Variants in SDK1 observed in about 807,000 individuals in gnomAD.
SDK1 encodes the protein sidekick cell adhesion molecule 1, also known as protein sidekick-1.
A neutral mutation model predicts 245.5 loss-of-function variants in SDK1; 157 were observed. That is an observed-to-expected ratio of 0.64 (90% CI 0.56 to 0.73). The LOEUF (loss-of-function observed/expected upper bound fraction) is 0.73. SDK1 is among the 30% of genes least tolerant of loss of function. The pLI is 0.00. For missense variants in SDK1, 3,583 were observed against 3,002.3 expected (o/e 1.19, Z -4.52); for synonymous variants, 1,647 against 1,278.5 (o/e 1.29, Z -6.15).
chr7:3,563,999 GAC>G (rs1436530800), intron 1 of SDK1, among the ~76,000 whole-genome samples: 1 of 151,988 alleles, frequency 6.6e-6, no homozygotes, highest in Admixed American at 6.6e-5. Flanking sequence ...AGAACTGAAA[GAC>G]AGTGAAAACA....
At chr7:4,214,371 T>G (rs891846532) in intron 38 of SDK1, among the ~76,000 whole-genome samples, 3 of 152,182 alleles carry the variant, frequency 2.0e-5, no homozygotes, top group East Asian at 1.9e-4. Context: ...TGGAGTCACT[T>G]TAGTCACAAC....
chr7:3,568,766 C>A (rs1001075567), intron 1 of SDK1, among the ~76,000 whole-genome samples: 1 of 152,174 alleles, frequency 6.6e-6, no homozygotes, highest in South Asian at 2.1e-4. Flanking sequence ...GAGCTGATGT[C>A]ATCTTTGGGA....
intron 35 of SDK1, among the ~76,000 whole-genome samples, chr7:4,185,881 G>C (rs1243589507): frequency 6.6e-6 from 1 of 151,276 alleles, no homozygotes; most frequent in East Asian, 2.0e-4. Flanking sequence ...GGGAGGAGGG[G>C]AGGGGAGGGG....
At chr7:3,348,707 T>C (rs1780575465) in intron 1 of SDK1, among the ~76,000 whole-genome samples, 1 of 152,122 alleles carries the variant, frequency 6.6e-6, no homozygotes, top group Admixed American at 6.6e-5. Flanking sequence ...AAAGTTGAAA[T>C]TGTTTTTCAA....
At chr7:4,055,491 G>A (rs2128168515) in intron 19 of SDK1, among the ~76,000 whole-genome samples, 1 of 152,102 alleles carries the variant, frequency 6.6e-6, no homozygotes, top group Admixed American at 6.5e-5. Context: ...CATTCTTCCT[G>A]GAGGTTCTTC....
At chr7:3,683,997 G>A (rs953987648) in intron 4 of SDK1, among the ~76,000 whole-genome samples, 3 of 152,114 alleles carry the variant, frequency 2.0e-5, no homozygotes, top group Admixed American at 6.5e-5. Context: ...TGGTTTCAGC[G>A]GGCAGAATGA....
intron 1 of SDK1, among the ~76,000 whole-genome samples, chr7:3,491,388 G>A (rs1189950104): frequency 1.3e-5 from 2 of 152,208 alleles, no homozygotes; most frequent in Non-Finnish European, 2.9e-5. Flanking sequence ...GTTCCCAAAC[G>A]ATGTCAGTGT....
intron 20 of SDK1, among the ~76,000 whole-genome samples, chr7:4,074,856 T>TACTTTCTCGCTCTCTCTCTCTCTCTCTC (rs1486926440): frequency 2.8e-5 from 2 of 72,338 alleles, no homozygotes; most frequent in Admixed American, 2.6e-4. Context: ...GAGCAAGACT[T>TACTTTCTCGCTCTCTCTCTCTCTCTCTC]TCTCTCTCTC....
chr7:3,740,130 T>C (rs1779435641), intron 4 of SDK1, among the ~76,000 whole-genome samples: 2 of 152,192 alleles, frequency 1.3e-5, no homozygotes, highest in African/African-American at 4.8e-5. Flanking sequence ...TGCTATGTGC[T>C]GGCAGGCAGT....
chr7:3,542,617 TAAAATA>T (rs1178301914), intron 1 of SDK1, among the ~76,000 whole-genome samples: 1 of 152,228 alleles, frequency 6.6e-6, no homozygotes, highest in African/African-American at 2.4e-5. Context: ...ATAACATTAT[TAAAATA>T]AAAATGTTTT....
intron 35 of SDK1, among the ~76,000 whole-genome samples, chr7:4,184,092 C>T (rs1467868576): frequency 2.0e-5 from 3 of 152,244 alleles, no homozygotes; most frequent in African/African-American, 7.2e-5. Context: ...TGCATTGTAA[C>T]AACCCTAATC....
chr7:3,848,057 C>T (rs563369350), intron 5 of SDK1, among the ~76,000 whole-genome samples: 22 of 152,312 alleles, frequency 1.4e-4, no homozygotes, highest in African/African-American at 4.1e-4. Context: ...ACATACAAAC[C>T]GTATTTGAAA....
chr7:3,767,290 C>T (rs1780281450), intron 4 of SDK1, among the ~76,000 whole-genome samples: 1 of 151,778 alleles, frequency 6.6e-6, no homozygotes. Flanking sequence ...GTGAGTTGAC[C>T]CAGGGACTAA....
rs181826470 is a variant in SDK1 at position 4,008,981 on chromosome 7, C to T, written c.2132-1985C>T. Among the ~76,000 whole-genome samples, 3 of 152,362 alleles carry T rather than the reference C, an allele frequency of 2.0e-5. No homozygotes were observed. In the East Asian group the frequency reaches 5.8e-4, roughly 29 times the overall value. On this transcript the variant is annotated intron_variant, in intron 14 of 44. Coordinates refer to ENST00000404826, the MANE Select transcript of SDK1 (RefSeq NM_152744.4). ...TTTTGAAGAGCCACCATACTGTTGTCTGTAGCGGCTATACCATTTTATATT... is the reference window on the plus strand; with the variant it reads ...TTTTGAAGAGCCACCATACTGTTGTTTGTAGCGGCTATACCATTTTATATT...
chr7:3,653,746 C>G (rs1020136753), intron 4 of SDK1, among the ~76,000 whole-genome samples: 2 of 152,094 alleles, frequency 1.3e-5, no homozygotes, highest in African/African-American at 4.8e-5. Flanking sequence ...AGGGTTTGCT[C>G]TAGCTAGACT....
At chr7:3,553,311 A>C (rs941796833) in intron 1 of SDK1, among the ~76,000 whole-genome samples, 3 of 152,196 alleles carry the variant, frequency 2.0e-5, no homozygotes, top group South Asian at 4.1e-4. Context: ...ATGTCAAAAA[A>C]TGAGAAATTT....
chr7:3,362,673 A>G (rs190933196), intron 1 of SDK1, among the ~76,000 whole-genome samples: 9 of 152,344 alleles, frequency 5.9e-5, no homozygotes, highest in East Asian at 3.9e-4. Context: ...AGCACTTTGT[A>G]GTGTGAAATA....
intron 1 of SDK1, among the ~76,000 whole-genome samples, chr7:3,422,624 C>T (rs1470998701): frequency 6.6e-6 from 1 of 152,126 alleles, no homozygotes; most frequent in Non-Finnish European, 1.5e-5. Context: ...AAGACCCCAT[C>T]ACACACACCC....
At chr7:3,492,403 A>T (rs186748642) in intron 1 of SDK1, among the ~76,000 whole-genome samples, 137 of 152,368 alleles carry the variant, frequency 9.0e-4, no homozygotes, top group African/African-American at 3.1e-3. Context: ...CTGAGGCAGG[A>T]GAATGGCGTG....
Sources: gnomAD v4.1 joint callset for allele counts (sites outside exome capture counted in the v4.1 genomes callset) on GRCh38, gnomAD v4.1.1 for gene constraint, MANE v1.5 for transcripts, NCBI Gene and HGNC (gene_info 2026-07-23, HGNC 2026-07-21) for gene names.